Variants in WDHD1 observed in about 807,000 individuals in gnomAD.
The protein encoded by WDHD1 is WD repeat and HMG-box DNA binding protein 1.
WDHD1 carries 111 observed loss-of-function variants against 135.4 expected under a neutral mutation model. The ratio of observed to expected loss-of-function variants is 0.82; its 90% CI spans 0.70 to 0.96. WDHD1 has a LOEUF of 0.96. Ranked by LOEUF, WDHD1 falls within the 40% of genes least tolerant of loss-of-function variation. The pLI, the probability that WDHD1 is intolerant of heterozygous loss-of-function variation, is 0.00. For synonymous variants in WDHD1, 434 were observed against 439.0 expected (o/e 0.99, Z 0.14); for missense variants, 1,351 against 1,336.3 (o/e 1.01, Z -0.17).
intron 2 of WDHD1, among the ~76,000 whole-genome samples, chr14:55,016,530 C>A (rs1443188512): frequency 6.6e-6 from 1 of 152,136 alleles, no homozygotes; most frequent in Non-Finnish European, 1.5e-5. Context: ...AGAAGGCTGC[C>A]TAAAAACTGT....
In WDHD1 at chr14:54,989,104, T is replaced by C; in HGVS notation, c.1450A>G (p.Thr484Ala). The change falls in exon 13 of 26, where the codon ACT becomes GCT. Residue 484 changes from threonine (T) to alanine (A), a missense_variant. Transcript: ENST00000360586. ...SIHHATHLSN[T>A]LNYTIADLSH... ...AGATCTGCTATTGTATAATTCAAAG[T>C]GTTTGATAAGTGTGTTGCATGGTGT... The C allele has an allele frequency of 1.9e-6, 3 of 1,613,882 alleles. No homozygotes were observed. The highest frequency in any genetic ancestry group is 2.5e-6 in the Non-Finnish European group (3 of 1,179,868).
At chr14:54,956,654 G>A (rs2041163817) in intron 23 of WDHD1, among the ~76,000 whole-genome samples, 1 of 152,076 alleles carries the variant, frequency 6.6e-6, no homozygotes. Context: ...AAAAGACAGG[G>A]GGAGCAGGAT....
At chr14:54,992,487 C>T (rs2041808715) in intron 11 of WDHD1, among the ~76,000 whole-genome samples, 1 of 152,056 alleles carries the variant, frequency 6.6e-6, no homozygotes, top group African/African-American at 2.4e-5. Flanking sequence ...AAGACTCCCT[C>T]TCAAAAAATA....
intron 11 of WDHD1, among the ~76,000 whole-genome samples, chr14:54,992,996 G>A (rs1281148260): frequency 2.0e-5 from 3 of 152,158 alleles, no homozygotes; most frequent in Non-Finnish European, 4.4e-5. Flanking sequence ...AATAAAAAGT[G>A]TCAGTATAAA....
At chr14:54,944,493 A>C (rs2040887800) in intron 24 of WDHD1, 23 bp from the exon 25 acceptor site, 2 of 1,562,264 alleles carry the variant, frequency 1.3e-6, no homozygotes, top group African/African-American at 2.8e-5. Flanking sequence ...TTATGTGAAA[A>C]CATTTTATAC....
intron 10 of WDHD1, among the ~76,000 whole-genome samples, chr14:54,996,826 T>C (rs138529728): frequency 0.01 from 1,553 of 152,194 alleles, 37 homozygotes; most frequent in African/African-American, 0.035. Flanking sequence ...GGAGTCTCGC[T>C]CTGTCGCCAG....
chr14:54,991,690 G>A (rs1281855320), intron 11 of WDHD1, among the ~76,000 whole-genome samples: 3 of 151,638 alleles, frequency 2.0e-5, no homozygotes, highest in African/African-American at 4.8e-5. Flanking sequence ...AAATCTTGAC[G>A]CTTACACAGA....
At chr14:55,009,352 A>G (rs183242310) in intron 4 of WDHD1, among the ~76,000 whole-genome samples, 223 of 152,220 alleles carry the variant, frequency 1.5e-3, no homozygotes, top group Middle Eastern at 3.4e-3. Context: ...TCAACCAACT[A>G]TATTGTTTTC....
chr14:54,948,969 A>G (rs2040985744), intron 24 of WDHD1, among the ~76,000 whole-genome samples: 1 of 152,216 alleles, frequency 6.6e-6, no homozygotes, highest in African/African-American at 2.4e-5. Flanking sequence ...ACTAACAAAC[A>G]AAAAGGACAT....
chr14:54,944,824 T>A (rs962006409), intron 24 of WDHD1, among the ~76,000 whole-genome samples: 3 of 151,958 alleles, frequency 2.0e-5, no homozygotes, highest in African/African-American at 4.8e-5. Context: ...GTCAGGCTGG[T>A]CTCAAACTCC....
intron 24 of WDHD1, among the ~76,000 whole-genome samples, chr14:54,953,125 G>A (rs1331416329): frequency 1.3e-5 from 2 of 152,092 alleles, no homozygotes; most frequent in East Asian, 3.9e-4. Flanking sequence ...ATTGACAGAT[G>A]GGATCTAATT....
intron 21 of WDHD1, among the ~76,000 whole-genome samples, chr14:54,960,945 G>A (rs1253386516): frequency 1.3e-5 from 2 of 152,118 alleles, no homozygotes; most frequent in South Asian, 2.1e-4. Flanking sequence ...GACTACCGGT[G>A]TGTACTACCA....
chr14:54,966,339 A>AC (rs2041343461), intron 18 of WDHD1, 136 bp downstream of exon 18: 7 of 1,139,688 alleles, frequency 6.1e-6, no homozygotes, highest in African/African-American at 2.2e-5. Flanking sequence ...CGTCGCACAA[A>AC]AAACAACAAC....
At chr14:54,947,063 G>A (rs2040938906) in intron 24 of WDHD1, among the ~76,000 whole-genome samples, 1 of 152,070 alleles carries the variant, frequency 6.6e-6, no homozygotes, top group Non-Finnish European at 1.5e-5. Context: ...AGGCGGGCCA[G>A]GCATGGTGGC....
intron 24 of WDHD1, among the ~76,000 whole-genome samples, chr14:54,954,884 C>T (rs1182272184): frequency 1.3e-5 from 2 of 152,084 alleles, no homozygotes; most frequent in African/African-American, 4.8e-5. Flanking sequence ...CATGTGCCAC[C>T]AAGCCTGGCT....
rs764132001 is a variant in WDHD1, at chr14:55,026,724, CA to C, written c.63del (p.Phe21LeufsTer9). 6.2e-7 allele frequency: 1 copy of C among 1,614,100 alleles called. No individual in the cohort carries two copies. The highest frequency in any genetic ancestry group is 1.3e-5 in the African/African-American group (1 of 74,930). The stretch of plus-strand genomic sequence containing the variant: ...AAAGAACCTTACCTCCCAGAATCAT[CA>C]AAACAGACCTCCGTGTGTCCCTCTG... ...GHTEGHTEVC[F>X]DDSGSFIVTC... On this transcript the variant is annotated frameshift_variant, in exon 2 of 26. Transcript: ENST00000360586. LOFTEE classifies it high-confidence loss of function.
chr14:55,000,116 G>A (rs2041954481), intron 10 of WDHD1, among the ~76,000 whole-genome samples: 1 of 152,136 alleles, frequency 6.6e-6, no homozygotes, highest in Non-Finnish European at 1.5e-5. Flanking sequence ...AAGCAAGAAG[G>A]TATAAAACAA....
intron 10 of WDHD1, among the ~76,000 whole-genome samples, chr14:54,999,558 G>A (rs866409747): frequency 6.6e-6 from 1 of 152,156 alleles, no homozygotes; most frequent in African/African-American, 2.4e-5. Context: ...TTGAGAAGCT[G>A]AAGTGAGTTT....
chr14:54,967,807 G>A lies in WDHD1; in HGVS notation c.2064-413C>T, dbSNP rs1353819575. Reference sequence around the variant, plus strand: ...GGCTAACTTTTGTATTTTCAGTAGCGATGGGGTTTTGCCATGTTGCCCAGG... The same window carrying A: ...GGCTAACTTTTGTATTTTCAGTAGCAATGGGGTTTTGCCATGTTGCCCAGG... On this transcript the variant is annotated intron_variant, in intron 16 of 25. Coordinates refer to ENST00000360586, the MANE Select transcript of WDHD1 (RefSeq NM_007086.4). Among the ~76,000 whole-genome samples the A allele has an allele frequency of 4.6e-5, 7 of 152,042 alleles. No homozygotes were observed. The East Asian group carries it at 5.8e-4, about 13-fold the overall frequency.
Sources: allele counts gnomAD v4.1 joint callset (sites outside exome capture counted in the v4.1 genomes callset), GRCh38; gene constraint gnomAD v4.1.1; transcripts MANE v1.5; gene names NCBI Gene and HGNC (gene_info 2026-07-23, HGNC 2026-07-21).